Variants in GABRG3 observed in about 807,000 individuals in gnomAD.
GABRG3 encodes the protein gamma-aminobutyric acid receptor subunit gamma-3.
A neutral mutation model predicts 48.8 loss-of-function variants in GABRG3; 25 were observed. The ratio of observed to expected loss-of-function variants is 0.51; its 90% confidence interval spans 0.37 to 0.72. GABRG3 has a LOEUF of 0.72. Among genes scored for constraint, GABRG3 ranks in the 30% least tolerant of loss-of-function variants. The probability of loss-of-function intolerance (pLI) is 0.00; values close to 1 mark genes in which losing one functional copy is unlikely to be tolerated. For synonymous variants in GABRG3, 227 were observed against 217.6 expected, an observed-to-expected ratio of 1.04 and a Z score of -0.38; for missense variants, 394 against 577.9, an observed-to-expected ratio of 0.68 and a Z score of 3.26.
intron 3 of GABRG3, among the ~76,000 whole-genome samples, chr15:27,105,095 A>T (rs1293092771): frequency 6.6e-6 from 1 of 152,228 alleles, no homozygotes; most frequent in Non-Finnish European, 1.5e-5. Flanking sequence ...AAGATATACC[A>T]TGTAAATATT....
intron 3 of GABRG3, among the ~76,000 whole-genome samples, chr15:27,133,224 T>G (rs1424367656): frequency 1.3e-5 from 2 of 152,196 alleles, no homozygotes; most frequent in East Asian, 3.8e-4. Flanking sequence ...ACAGCTGGCT[T>G]TCTATTAGAA....
At chr15:27,446,406 G>A (rs918899377) in intron 5 of GABRG3, among the ~76,000 whole-genome samples, 2 of 152,072 alleles carry the variant, frequency 1.3e-5, no homozygotes, top group Non-Finnish European at 2.9e-5. Context: ...AATATCTTAG[G>A]AAACACAAGT....
intron 5 of GABRG3, among the ~76,000 whole-genome samples, chr15:27,465,624 G>T (rs1369327621): frequency 6.6e-6 from 1 of 152,174 alleles, no homozygotes; most frequent in Non-Finnish European, 1.5e-5. Flanking sequence ...ACACTGCTTT[G>T]CCTAGGGCAG....
At chr15:27,259,825 C>T (rs1316440560) in intron 3 of GABRG3, among the ~76,000 whole-genome samples, 1 of 152,096 alleles carries the variant, frequency 6.6e-6, no homozygotes, top group Non-Finnish European at 1.5e-5. Context: ...AGTAGGGAAT[C>T]CACATATGGG....
At chr15:27,103,823 G>C (rs533859679) in intron 3 of GABRG3, among the ~76,000 whole-genome samples, 19 of 152,166 alleles carry the variant, frequency 1.2e-4, no homozygotes, top group African/African-American at 2.6e-4. Context: ...CAATAGCTTG[G>C]GGCATATCCA....
intron 3 of GABRG3, among the ~76,000 whole-genome samples, chr15:27,213,709 T>C (rs1465629016): frequency 6.6e-6 from 1 of 152,192 alleles, no homozygotes; most frequent in East Asian, 1.9e-4. Flanking sequence ...TTAAAGGAAA[T>C]CATTCCCATG....
chr15:27,271,360 A>G (rs1027924761), intron 3 of GABRG3, among the ~76,000 whole-genome samples: 1 of 152,116 alleles, frequency 6.6e-6, no homozygotes, highest in Admixed American at 6.5e-5. Context: ...TGCCACCCGC[A>G]CTCTGTCCTC....
At chr15:27,428,015 G>A (rs997524034) in intron 5 of GABRG3, 10 of 152,190 alleles carry the variant, frequency 6.6e-5, no homozygotes, top group African/African-American at 2.2e-4. Context: ...CTAAAGTGCC[G>A]AGATTACAGG....
intron 6 of GABRG3, among the ~76,000 whole-genome samples, chr15:27,507,930 A>G (rs911602113): frequency 6.6e-6 from 1 of 152,222 alleles, no homozygotes; most frequent in African/African-American, 2.4e-5. Context: ...ATTCCTAAAA[A>G]TAACCTTTGT....
intron 5 of GABRG3, among the ~76,000 whole-genome samples, chr15:27,403,053 G>GA (rs1887520184): frequency 6.6e-6 from 1 of 151,646 alleles, no homozygotes; most frequent in Non-Finnish European, 1.5e-5. Flanking sequence ...GTAAGTAAAA[G>GA]ATAAGATATA....
chr15:27,064,346 G>A (rs1264448333), intron 3 of GABRG3, among the ~76,000 whole-genome samples: 1 of 152,144 alleles, frequency 6.6e-6, no homozygotes, highest in Admixed American at 6.5e-5. Context: ...CAGGCCCGGC[G>A]GTAAGGCCTG....
intron 3 of GABRG3, among the ~76,000 whole-genome samples, chr15:27,248,538 A>G (rs1012653681): frequency 1.3e-5 from 2 of 152,170 alleles, no homozygotes; most frequent in Non-Finnish European, 2.9e-5. Flanking sequence ...GACACAGCAC[A>G]CGCATCTCAG....
At chr15:27,036,662 G>C (rs866478223) in intron 3 of GABRG3, among the ~76,000 whole-genome samples, 1 of 152,058 alleles carries the variant, frequency 6.6e-6, no homozygotes, top group Non-Finnish European at 1.5e-5. Flanking sequence ...TACGCTGCAG[G>C]CTGGGCGACA....
chr15:27,532,505 G>A, intron 9 of GABRG3, 95 bp from the exon 10 acceptor site: 1 of 1,191,324 alleles, frequency 8.4e-7, no homozygotes, highest in East Asian at 2.5e-5. Context: ...TTTATCTATA[G>A]GAGACAGATG....
At chr15:27,221,621 A>G (rs990927630) in intron 3 of GABRG3, among the ~76,000 whole-genome samples, 2 of 152,148 alleles carry the variant, frequency 1.3e-5, no homozygotes, top group East Asian at 1.9e-4. Context: ...CCTATCAAAC[A>G]TTTGATCTAA....
chr15:27,476,884 A>G (rs1481096411), intron 5 of GABRG3, among the ~76,000 whole-genome samples: 1 of 152,218 alleles, frequency 6.6e-6, no homozygotes, highest in Non-Finnish European at 1.5e-5. Context: ...CAAACTAACA[A>G]TGTTAAAGAC....
At chr15:27,086,116 G>GTTTTTTTTTTTTTTT (rs5811477) in intron 3 of GABRG3, among the ~76,000 whole-genome samples, 1 of 139,510 alleles carries the variant, frequency 7.2e-6, no homozygotes. Context: ...AGTTTTGGCA[G>GTTTTTTTTTTTTTTT]TTTTTTTTTT....
intron 3 of GABRG3, among the ~76,000 whole-genome samples, chr15:27,246,851 T>C (rs1303046612): frequency 3.3e-5 from 5 of 152,218 alleles, no homozygotes; most frequent in African/African-American, 9.6e-5. Context: ...CAGTGTGACC[T>C]GAATGGAAGA....
At chr15:27,188,489 AT>A (rs1566958980) in intron 3 of GABRG3, among the ~76,000 whole-genome samples, 1 of 151,838 alleles carries the variant, frequency 6.6e-6, no homozygotes, top group Admixed American at 6.6e-5. Context: ...GATGATGAGC[AT>A]TTTTTCATGT....
Sources: gnomAD v4.1 joint callset for allele counts (sites outside exome capture counted in the v4.1 genomes callset) on GRCh38, gnomAD v4.1.1 for gene constraint, MANE v1.5 for transcripts, NCBI Gene and HGNC (gene_info 2026-07-23, HGNC 2026-07-21) for gene names.